NEMP1: variants seen among roughly 807,000 people sequenced by gnomAD.
NEMP1 encodes the protein nuclear envelope integral membrane protein 1, also known as transmembrane protein 194.
Under a neutral mutation model 53.7 loss-of-function variants are expected in NEMP1, and 29 were observed. That is an observed-to-expected ratio of 0.54 (90% CI 0.40 to 0.74). The LOEUF is 0.74. Ranked by LOEUF, NEMP1 falls within the 30% of genes least tolerant of loss-of-function variation. NEMP1 has a pLI of 0.00. For missense variants in NEMP1, 477 were observed against 528.6 expected (o/e 0.90, Z 0.96); for synonymous variants, 193 against 192.9 (o/e 1.00, Z 0.00).
chr12:57,070,351 T>A (rs972785036), intron 3 of NEMP1, among the ~76,000 whole-genome samples: 9 of 152,226 alleles, frequency 5.9e-5, no homozygotes, highest in Non-Finnish European at 1.2e-4. Flanking sequence ...GTAGAACACG[T>A]CTATCTGATT....
rs1446269840 is a variant in NEMP1, at chr12:57,059,212, A to G, written c.*667T>C. Reference sequence around the variant, plus strand: ...TATCATATGTATGAGAACTAAATCAAAGCTTAAAACAACAGCTCCTGGGGC... The same window carrying G: ...TATCATATGTATGAGAACTAAATCAGAGCTTAAAACAACAGCTCCTGGGGC... On this transcript the variant is annotated 3_prime_UTR_variant, in exon 9 of 9. Transcript: ENST00000300128. 6.6e-6 allele frequency: 1 copy of G among 152,238 alleles called. No individual in the cohort carries two copies. Among genetic ancestry groups the G allele is most frequent in the Non-Finnish European group, 1.5e-5 (1 of 68,046 alleles). The allele number at this position is 152,238 out of a possible 1,614,324, so 9.4% of individuals were successfully genotyped here. A position where few individuals can be genotyped will look rare whatever the true frequency, so the allele number is the denominator to read the frequency against.
At position 57,078,697 on chromosome 12, in the gene NEMP1, G is replaced by T; in HGVS notation, c.49C>A (p.Pro17Thr). The change falls in exon 1 of 9, where the codon CCC (proline) becomes ACC (threonine). Residue 17 changes from proline to threonine, a missense_variant. Coordinates refer to ENST00000300128, the MANE Select transcript of NEMP1 (RefSeq NM_001130963.2). ...CCGCCCCCGACTCCCGAGCCCCAGGGCCCGGGACCAACTGCCGGCGAGACC... is the reference window on the plus strand; with the variant it reads ...CCGCCCCCGACTCCCGAGCCCCAGGTCCCGGGACCAACTGCCGGCGAGACC... Reference protein sequence around the residue: ...VAVSPAVGPGPWGSGVGGGGT... With the variant: ...VAVSPAVGPGTWGSGVGGGGT... 1 of 1,613,354 alleles carries T rather than the reference G, an allele frequency of 6.2e-7. No individual in the cohort carries two copies. The highest frequency in any genetic ancestry group is 1.1e-5 in the South Asian group (1 of 90,944).
intron 1 of NEMP1, among the ~76,000 whole-genome samples, chr12:57,078,412 G>A (rs1459602963): frequency 6.6e-6 from 1 of 152,002 alleles, no homozygotes; most frequent in East Asian, 1.9e-4. Flanking sequence ...CCCCACTCTG[G>A]AAGCTGCCCC....
chr12:57,078,872 C>A (rs1024123021), upstream of NEMP1: 3 of 1,088,328 alleles, frequency 2.8e-6, no homozygotes, highest in African/African-American at 3.2e-5. Flanking sequence ...GGGCTTCGAG[C>A]ACCCAGCCCT....
intron 4 of NEMP1, among the ~76,000 whole-genome samples, chr12:57,065,887 G>T (rs1358536249): frequency 2.6e-5 from 4 of 151,980 alleles, no homozygotes; most frequent in East Asian, 1.9e-4. Context: ...TTCTTCTGAG[G>T]CTTCCTCACC....
intron 4 of NEMP1, among the ~76,000 whole-genome samples, 156 bp from the exon 5 acceptor site, chr12:57,064,895 G>C (rs573132660): frequency 6.6e-5 from 10 of 152,264 alleles, no homozygotes. Flanking sequence ...CCAGACCACT[G>C]CAATAAACCA....
intron 1 of NEMP1, among the ~76,000 whole-genome samples, chr12:57,077,237 C>A (rs2136518819): frequency 6.6e-6 from 1 of 150,916 alleles, no homozygotes; most frequent in South Asian, 2.1e-4. Context: ...GAGGCTGAGG[C>A]AGGAGAATGG....
rs17546579 is a variant in NEMP1, at chr12:57,064,176, T to C, written c.649A>G (p.Ile217Val). ...CAGCCTCCCACCAGGATGACGTAAA[T>C]GGGACTTTTCTAAGACAGAGAGTAG... ...LSKFMPKKSP[I>V]YVILVGGWSF... is the part of the protein sequence containing the mutation. The change falls in exon 6 of 9, where the codon ATT (isoleucine) becomes GTT (valine). Residue 217 changes from isoleucine (I) to valine (V), a missense_variant. Coordinates refer to ENST00000300128, the MANE Select transcript of NEMP1 (RefSeq NM_001130963.2). 57,193 of 1,602,460 alleles carry C rather than the reference T, an allele frequency of 0.036. 1,260 individuals carry two copies. The highest frequency in any genetic ancestry group is 0.08 in the Middle Eastern group (482 of 6,044).
chr12:57,087,735 C>A (rs975236307), intron 1 of NEMP1, among the ~76,000 whole-genome samples: 1 of 152,114 alleles, frequency 6.6e-6, no homozygotes, highest in African/African-American at 2.4e-5. Context: ...CACGCCCCGC[C>A]ATGCCCCACC....
chr12:57,061,054 A>C (rs1280901117), intron 7 of NEMP1, 109 bp from the exon 8 acceptor site: 14 of 1,121,460 alleles, frequency 1.2e-5, no homozygotes, highest in South Asian at 3.3e-5. Flanking sequence ...CTGAACATTA[A>C]GAGTCATCAC....
intron 4 of NEMP1, among the ~76,000 whole-genome samples, chr12:57,065,197 A>G (rs554705884): frequency 6.5e-4 from 99 of 152,274 alleles, no homozygotes; most frequent in Non-Finnish European, 1.1e-3. Flanking sequence ...CTTAAAATAT[A>G]ATGAAGTTTG....
rs572783026 is a variant in NEMP1 at position 57,056,335 on chromosome 12, TAAAA to T, written c.*3540_*3543del. Reference sequence around the variant, plus strand: ...AATTATATAGGTTCCCCTAAAAAAATAAAAAAAAAATCAATTTCTGCTATGTAGA... The same window carrying T: ...AATTATATAGGTTCCCCTAAAAAAATAAAAAATCAATTTCTGCTATGTAGA... On this transcript the variant is annotated 3_prime_UTR_variant, in exon 9 of 9. Coordinates refer to ENST00000300128, the MANE Select transcript of NEMP1 (RefSeq NM_001130963.2). 1 of 149,346 alleles carries T rather than the reference TAAAA, an allele frequency of 6.7e-6. No individual in the cohort carries two copies. The highest frequency in any genetic ancestry group is 2.5e-5 in the African/African-American group (1 of 40,644). 9.3% of individuals were successfully genotyped at this position (149,346 alleles called of 1,614,324 possible).
chr12:57,086,917 A>G (rs1054604097), intron 1 of NEMP1, among the ~76,000 whole-genome samples: 6 of 152,248 alleles, frequency 3.9e-5, no homozygotes, highest in African/African-American at 1.2e-4. Flanking sequence ...TCTACAATTT[A>G]GAGAGTTTTC....
In NEMP1 at chr12:57,056,814, G is replaced by A. The variant is rs1363488496; in HGVS notation, c.*3065C>T. The A allele has an allele frequency of 6.6e-6, 1 of 152,090 alleles. No homozygotes were observed. Among genetic ancestry groups the A allele is most frequent in the African/African-American group, 2.4e-5 (1 of 41,426 alleles). The allele number at this position is 152,090 out of a possible 1,614,324, so 9.4% of individuals were successfully genotyped here. A position where few individuals can be genotyped will look rare whatever the true frequency, so the allele number is the denominator to read the frequency against. On this transcript the variant is annotated 3_prime_UTR_variant, in exon 9 of 9. Transcript: ENST00000300128. ...CCAAAATTCTATTATACATGCCAAG[G>A]GTTAAAGGGAACACCATCAGTCAAG...
upstream of NEMP1, among the ~76,000 whole-genome samples, chr12:57,082,006 CAGG>C (rs1167900395): frequency 2.6e-5 from 4 of 152,180 alleles, no homozygotes; most frequent in East Asian, 5.8e-4. Flanking sequence ...ATCACGAGAT[CAGG>C]AGTTCAAGAC....
chr12:57,079,903 T>C (rs528719706), upstream of NEMP1, among the ~76,000 whole-genome samples: 30 of 152,292 alleles, frequency 2.0e-4, no homozygotes, highest in South Asian at 2.3e-3. Context: ...CCTAGATAGG[T>C]TGGGCTACAG....
chr12:57,062,461 C>G (rs528694286), intron 7 of NEMP1, among the ~76,000 whole-genome samples: 40 of 150,890 alleles, frequency 2.7e-4, no homozygotes, highest in Non-Finnish European at 2.7e-4. Flanking sequence ...GCCTGGGTGA[C>G]AGAGAGAGAC....
intron 8 of NEMP1, among the ~76,000 whole-genome samples, chr12:57,060,304 C>A (rs989042765): frequency 1.3e-5 from 2 of 152,176 alleles, no homozygotes; most frequent in Non-Finnish European, 2.9e-5. Flanking sequence ...ACTTGCCTAT[C>A]CTTTCTAATT....
In NEMP1 at chr12:57,070,720, A is replaced by T; in HGVS notation, c.426T>A (p.Val142=). 1.3e-6 allele frequency: 2 copies of T among 1,564,584 alleles called. No homozygotes were observed. The highest frequency in any genetic ancestry group is 1.7e-6 in the Non-Finnish European group (2 of 1,153,322). Reference sequence around the variant, plus strand: ...ACTTGGTGTCCTTCTCTATAATCTCAACTTTGAGGCAGGTTTTTGTGCTGT... The same window carrying T: ...ACTTGGTGTCCTTCTCTATAATCTCTACTTTGAGGCAGGTTTTTGTGCTGT... ...GLYSTKTCLK[V]EIIEKDTKYS... Residue 142 remains valine, a synonymous_variant, in exon 3 of 9, where the codon GTT becomes GTA. Coordinates refer to ENST00000300128, the MANE Select transcript of NEMP1 (RefSeq NM_001130963.2).
Sources: allele counts gnomAD v4.1 joint callset (sites outside exome capture counted in the v4.1 genomes callset), GRCh38; gene constraint gnomAD v4.1.1; transcripts MANE v1.5; gene names NCBI Gene and HGNC (gene_info 2026-07-23, HGNC 2026-07-21).